The following COL9A2 variants were observed in gnomAD, a reference collection of about 807,000 sequenced individuals.
The protein encoded by COL9A2 is collagen alpha-2(IX) chain.
Under a neutral mutation model 111.6 loss-of-function variants are expected in COL9A2, and 66 were observed. That is an observed-to-expected ratio of 0.59 (90% CI 0.48 to 0.73). The LOEUF is 0.73. Among genes scored for constraint, COL9A2 ranks in the 30% least tolerant of loss-of-function variants. The pLI is 0.00. For missense variants in COL9A2, 881 were observed against 954.1 expected (o/e 0.92, Z 1.01); for synonymous variants, 353 against 364.1 (o/e 0.97, Z 0.35).
At position 40,303,506 on chromosome 1, in the gene COL9A2, C is replaced by T. The variant is rs771038559; in HGVS notation, c.1548+24G>A. On this transcript the variant is annotated intron_variant, in intron 28 of 31. Transcript: ENST00000372748. This position sits in a 1 kb window ranked among gnomAD's most constrained non-coding sequence, Gnocchi z 4.6. ...GAACAGATCTACCTAGAAGAAGCAC[C>T]TCCTACCCCGGGGCCCGACTCACCT... The T allele has an allele frequency of 7.4e-6, 12 of 1,612,596 alleles. No individual in the cohort carries two copies. The Middle Eastern group carries it at 4.9e-4, about 66-fold the overall frequency.
chr1:40,303,597 G>A lies in COL9A2; in HGVS notation c.1481C>T (p.Pro494Leu), dbSNP rs1408200866. 6.2e-7 allele frequency: 1 copy of A among 1,607,718 alleles called. No homozygotes were observed. The highest frequency in any genetic ancestry group is 8.5e-7 in the Non-Finnish European group (1 of 1,177,866). The change falls in exon 28 of 32, where the codon CCC (proline) becomes CTC (leucine). Residue 494 changes from proline (P) to leucine (L), a missense_variant. Transcript: ENST00000372748. This position sits in a 1 kb window ranked among gnomAD's most constrained non-coding sequence, Gnocchi z 4.6. ...CCCGGCCAGTCCTCGAGGGCCGGGG[G>A]GACCAGGGTAGCCCTGAACCCCTGG... is the stretch of plus-strand genomic sequence containing the variant. The part of the protein sequence containing the change: ...GAPGVQGYPG[P>L]PGPRGLAGNR...
Position 40,314,312 on chromosome 1 carries a change from A to T in COL9A2, c.186+40T>A. The T allele has an allele frequency of 6.2e-7, 1 of 1,614,210 alleles. No homozygotes were observed. The highest frequency in any genetic ancestry group is 8.5e-7 in the Non-Finnish European group (1 of 1,180,028). On this transcript the variant is annotated intron_variant, in intron 3 of 31. Transcript: ENST00000372748. This position sits in a 1 kb window ranked among gnomAD's most constrained non-coding sequence, Gnocchi z 4.1. ...CAAACATGAGCCAGAGGAGGGCAAG[A>T]GCAGGAAGGGTCAAAGGCCAAAGAG... is the stretch of plus-strand genomic sequence containing the variant.
Position 40,311,528 on chromosome 1 carries a change from T to C in COL9A2, c.491A>G (p.Gln164Arg), listed in dbSNP as rs1274773278. ...PGKPGRPGTI[Q>R]GLEGSADFLC... The stretch of plus-strand genomic sequence containing the variant: ...GAAATCCGCACTGCCTTCCAGACCC[T>C]GGATGGTTCCCGGGCGACCCTGAGA... The change falls in exon 10 of 32, where the codon CAG (glutamine) becomes CGG (arginine). Residue 164 changes from glutamine (Q) to arginine (R), a missense_variant. Physicochemically the swap from Gln to Arg is conservative, Grantham distance 43. Coordinates refer to ENST00000372748, the MANE Select transcript of COL9A2 (RefSeq NM_001852.4). This position sits in a 1 kb window ranked among gnomAD's most constrained non-coding sequence, Gnocchi z 5.1. 5.8e-6 allele frequency: 9 copies of C among 1,538,594 alleles called. No individual in the cohort carries two copies. The East Asian group carries it at 2.0e-4, about 34-fold the overall frequency.
chr1:40,306,490 C>T (rs547042680), intron 19 of COL9A2, among the ~76,000 whole-genome samples: 10 of 152,322 alleles, frequency 6.6e-5, no homozygotes, highest in Admixed American at 2.0e-4. Flanking sequence ...TGCACAGAAA[C>T]AGGTTTGGCC....
Position 40,314,412 on chromosome 1 carries a change from AG to A in COL9A2, c.151-26del. 3 of 1,614,182 alleles carry A rather than the reference AG, an allele frequency of 1.9e-6. No homozygotes were observed. Among genetic ancestry groups the A allele is most frequent in the Non-Finnish European group, 2.5e-6 (3 of 1,180,014 alleles). Reference sequence around the variant, plus strand: ...CCTGCAAGATACAAGTTGGTGAGACAGCACACTACGGCTCACACTACCCCAA... The same window carrying A: ...CCTGCAAGATACAAGTTGGTGAGACACACACTACGGCTCACACTACCCCAA... On this transcript the variant is annotated intron_variant, in intron 2 of 31. Transcript: ENST00000372748. This position sits in a 1 kb window ranked among gnomAD's most constrained non-coding sequence, Gnocchi z 4.1.
Position 40,317,178 on chromosome 1 carries a change from G to A in COL9A2, c.20C>T (p.Ser7Phe), listed in dbSNP as rs779204017. The A allele has an allele frequency of 6.3e-7, 1 of 1,588,408 alleles. No homozygotes were observed. The highest frequency in any genetic ancestry group is 1.1e-5 in the South Asian group (1 of 87,202). Residue 7 changes from serine to phenylalanine, a missense_variant, in exon 1 of 32, where the codon TCC becomes TTC. Physicochemically the swap from Ser to Phe is radical, Grantham distance 155 (BLOSUM62 -2). Transcript: ENST00000372748. The surrounding 1 kb of genome is among the most constrained non-coding windows in gnomAD (Gnocchi z 4.3). Reference sequence around the variant, plus strand: ...GAGGAGAACAAGGAGGCTGCGGGGGGAGGCCGTAGCGGCGGCCATGGCTGG... The same window carrying A: ...GAGGAGAACAAGGAGGCTGCGGGGGAAGGCCGTAGCGGCGGCCATGGCTGG... MAAATA[S>F]PRSLLVLLQV...
Position 40,310,599 on chromosome 1 carries a change from C to T in COL9A2, c.684+115G>A, listed in dbSNP as rs1336783730. The T allele has an allele frequency of 9.8e-7, 1 of 1,016,276 alleles. No homozygotes were observed. The highest frequency in any genetic ancestry group is 1.6e-5 in the African/African-American group (1 of 62,772). The allele number at this position is 1,016,276 out of a possible 1,614,324, so 63.0% of individuals were successfully genotyped here. A position where few individuals can be genotyped will look rare whatever the true frequency, so the allele number is the denominator to read the frequency against. ...CTCCATCTCCCCATCCAGAGATGCT[C>T]CCAGCTAGACACAGGTGTCTCTTTT... On this transcript the variant is annotated intron_variant, in intron 13 of 31. Coordinates refer to ENST00000372748, the MANE Select transcript of COL9A2 (RefSeq NM_001852.4). This position sits in a 1 kb window ranked among gnomAD's most constrained non-coding sequence, Gnocchi z 4.9.
In COL9A2 at chr1:40,317,026, G is replaced by C; in HGVS notation, c.75+97C>G. 1.6e-6 allele frequency: 2 copies of C among 1,258,426 alleles called. No homozygotes were observed. Among genetic ancestry groups the C allele is most frequent in the Non-Finnish European group, 2.3e-6 (2 of 880,590 alleles). 78.0% of individuals were successfully genotyped at this position (1,258,426 alleles called of 1,614,324 possible). The stretch of plus-strand genomic sequence containing the variant: ...GTCCTCAGGTGGCCTCTCGGGCTAG[G>C]GGTGTCAGTAGGCGCGGGACACAGG... On this transcript the variant is annotated intron_variant, in intron 1 of 31. Transcript: ENST00000372748. The surrounding 1 kb of genome is among the most constrained non-coding windows in gnomAD (Gnocchi z 4.3).
At position 40,301,204 on chromosome 1, in the gene COL9A2, G is replaced by A. The variant is rs1476528021; in HGVS notation, c.2048C>T (p.Pro683Leu). ...SAYASARLTE[P>L]GSIKGP ...TGCTCAAGGCCCCTTGATGGATCCA[G>A]GCTCTGTAAGGCGGGCAGAGGCATA... The change falls in exon 32 of 32, where the codon CCT (proline) becomes CTT (leucine). Residue 683 changes from proline to leucine, a missense_variant. Physicochemically the swap from Pro to Leu is moderately conservative, Grantham distance 98. Coordinates refer to ENST00000372748, the MANE Select transcript of COL9A2 (RefSeq NM_001852.4). 6.2e-7 allele frequency: 1 copy of A among 1,613,864 alleles called. No homozygotes were observed. Among genetic ancestry groups the A allele is most frequent in the Admixed American group, 1.7e-5 (1 of 60,030 alleles).
chr1:40,314,525 C>G lies in COL9A2; in HGVS notation c.151-138G>C. ...GTCCAGGTCCCCTAAGCCTTGCAAT[C>G]TTTGGGAAAAGAGCCCCCTTTTCCT... On this transcript the variant is annotated intron_variant, in intron 2 of 31. Transcript: ENST00000372748. This position sits in a 1 kb window ranked among gnomAD's most constrained non-coding sequence, Gnocchi z 4.1. The G allele has an allele frequency of 9.4e-7, 1 of 1,069,034 alleles. No individual in the cohort carries two copies. The highest frequency in any genetic ancestry group is 1.3e-5 in the South Asian group (1 of 76,810). 66.2% of individuals were successfully genotyped at this position (1,069,034 alleles called of 1,614,324 possible).
chr1:40,303,454 A>G lies in COL9A2; in HGVS notation c.1548+76T>C. The G allele has an allele frequency of 6.3e-7, 1 of 1,584,638 alleles. No homozygotes were observed. On this transcript the variant is annotated intron_variant, in intron 28 of 31. Coordinates refer to ENST00000372748, the MANE Select transcript of COL9A2 (RefSeq NM_001852.4). The surrounding 1 kb of genome is among the most constrained non-coding windows in gnomAD (Gnocchi z 4.6). ...AGTCGGTGAGTCTCTGGGAATCCCT[A>G]GCCTTTGGCGGGTAAGCCGCACCCC...
intron 16 of COL9A2, 144 bp from the exon 17 acceptor site, chr1:40,308,389 G>A: frequency 4.8e-6 from 4 of 832,580 alleles, no homozygotes; most frequent in Non-Finnish European, 8.0e-6. Flanking sequence ...CCGGAGGAGA[G>A]AGCCTTGGGA....
chr1:40,300,820 C>T lies in COL9A2; in HGVS notation c.*362G>A, dbSNP rs1643903944. 9.0e-6 allele frequency: 2 copies of T among 221,738 alleles called. No homozygotes were observed. The highest frequency in any genetic ancestry group is 1.8e-5 in the Non-Finnish European group (2 of 109,920). The allele number at this position is 221,738 out of a possible 1,614,324, so 13.7% of individuals were successfully genotyped here. ...TGTAGCTGGGCAGGGCCCGGGCCTC[C>T]CGAGGTGCCCATGTCCCACTGACCC... is the stretch of plus-strand genomic sequence containing the variant. On this transcript the variant is annotated 3_prime_UTR_variant, in exon 32 of 32. Transcript: ENST00000372748. This position sits in a 1 kb window ranked among gnomAD's most constrained non-coding sequence, Gnocchi z 4.4.
intron 4 of COL9A2, among the ~76,000 whole-genome samples, chr1:40,313,096 C>A (rs1028440159): frequency 3.9e-5 from 6 of 152,208 alleles, no homozygotes; most frequent in African/African-American, 1.4e-4. Context: ...CAAGATTGGT[C>A]ATTTGCTTGA....
At position 40,302,990 on chromosome 1, in the gene COL9A2, C is replaced by A; in HGVS notation, c.1603+141G>T. ...GCCCAGAGTGACTTATTCAAGGTCC[C>A]AAAACCCTTCAGAGACTGGACTGGA... is the stretch of plus-strand genomic sequence containing the variant. On this transcript the variant is annotated intron_variant, in intron 29 of 31. Coordinates refer to ENST00000372748, the MANE Select transcript of COL9A2 (RefSeq NM_001852.4). This position sits in a 1 kb window ranked among gnomAD's most constrained non-coding sequence, Gnocchi z 4.5. 1 of 1,107,024 alleles carries A rather than the reference C, an allele frequency of 9.0e-7. No individual in the cohort carries two copies. Among genetic ancestry groups the A allele is most frequent in the Non-Finnish European group, 1.3e-6 (1 of 752,940 alleles). 68.6% of individuals were successfully genotyped at this position (1,107,024 alleles called of 1,614,324 possible). A position where few individuals can be genotyped will look rare whatever the true frequency, so the allele number is the denominator to read the frequency against.
chr1:40,311,481 C>T lies in COL9A2; in HGVS notation c.519+19G>A. On this transcript the variant is annotated intron_variant, in intron 10 of 31. Transcript: ENST00000372748. The surrounding 1 kb of genome is among the most constrained non-coding windows in gnomAD (Gnocchi z 5.1). ...CCCCGCCCCCCTGTGTTAGCCCCGC[C>T]CCAGACCTCGTCTCTCACCAGGAAA... 1 of 1,613,764 alleles carries T rather than the reference C, an allele frequency of 6.2e-7. No individual in the cohort carries two copies. The highest frequency in any genetic ancestry group is 2.2e-5 in the East Asian group (1 of 44,878).
chr1:40,314,370 AG>A lies in COL9A2; in HGVS notation c.167del (p.Pro56LeufsTer30), dbSNP rs1292975596. The A allele has an allele frequency of 1.2e-6, 2 of 1,614,172 alleles. No individual in the cohort carries two copies. The highest frequency in any genetic ancestry group is 1.1e-5 in the South Asian group (1 of 91,090). ...SDGIDGDNGP[P>X]GKAGPPGPKG... ...CACTCACCGGAGGGCCAGCTTTTCC[AG>A]GGGGCCCATTGTCACCCTGCAAGAT... On this transcript the variant is annotated frameshift_variant, in exon 3 of 32. Coordinates refer to ENST00000372748, the MANE Select transcript of COL9A2 (RefSeq NM_001852.4). LOFTEE classifies it high-confidence loss of function. This position sits in a 1 kb window ranked among gnomAD's most constrained non-coding sequence, Gnocchi z 4.1.
intron 30 of COL9A2, 75 bp from the exon 31 acceptor site, chr1:40,301,964 G>C (rs776614013): frequency 1.4e-6 from 2 of 1,411,310 alleles, no homozygotes; most frequent in Non-Finnish European, 2.0e-6. Context: ...TATGTTTCAC[G>C]CAAAGAAATT....
chr1:40,311,443 C>T lies in COL9A2; in HGVS notation c.519+57G>A. 2 of 1,554,692 alleles carry T rather than the reference C, an allele frequency of 1.3e-6. No homozygotes were observed. Among genetic ancestry groups the T allele is most frequent in the Non-Finnish European group, 1.8e-6 (2 of 1,128,200 alleles). On this transcript the variant is annotated intron_variant, in intron 10 of 31. Coordinates refer to ENST00000372748, the MANE Select transcript of COL9A2 (RefSeq NM_001852.4). The surrounding 1 kb of genome is among the most constrained non-coding windows in gnomAD (Gnocchi z 5.1). The stretch of plus-strand genomic sequence containing the variant: ...ACCCCCATCTCCGTGGCCCCGCCTC[C>T]CCATCTCTGTGGCCCCGCCCCCCTG...
Sources: gnomAD v4.1 joint callset for allele counts (sites outside exome capture counted in the v4.1 genomes callset) on GRCh38, gnomAD v4.1.1 for gene constraint, Gnocchi (gnomAD v3.1) non-coding constraint, MANE v1.5 for transcripts, NCBI Gene and HGNC (gene_info 2026-07-23, HGNC 2026-07-21) for gene names.